The following AGBL1 variants were observed in gnomAD, a reference collection of about 807,000 sequenced individuals.
The protein encoded by AGBL1 is AGBL carboxypeptidase 1, also known as cytosolic carboxypeptidase 4.
In AGBL1, 130 loss-of-function variants were observed where a neutral mutation model predicts 118.9. That is an observed-to-expected ratio of 1.09 (90% CI 0.95 to 1.26). The LOEUF (loss-of-function observed/expected upper bound fraction) is 1.26. Among genes scored for constraint, AGBL1 ranks in the 50% most tolerant of loss-of-function variants. The pLI is 0.00. For synonymous variants in AGBL1, 555 were observed against 478.9 expected, an observed-to-expected ratio of 1.16 and a Z score of -2.08; for missense variants, 1,584 against 1,298.1, an observed-to-expected ratio of 1.22 and a Z score of -3.38.
chr15:86,998,707 G>C (rs2081403020), intron 24 of AGBL1, among the ~76,000 whole-genome samples: 1 of 152,168 alleles, frequency 6.6e-6, no homozygotes, highest in South Asian at 2.1e-4. Flanking sequence ...TCATTTGGTT[G>C]TAACAATCAT....
At chr15:86,484,474 G>T (rs1443738157) in intron 18 of AGBL1, among the ~76,000 whole-genome samples, 1 of 152,102 alleles carries the variant, frequency 6.6e-6, no homozygotes, top group Non-Finnish European at 1.5e-5. Context: ...AATTGAAAAT[G>T]CAAGGGATCA....
At chr15:86,821,842 T>C (rs1293166422) in intron 22 of AGBL1, among the ~76,000 whole-genome samples, 1 of 152,194 alleles carries the variant, frequency 6.6e-6, no homozygotes, top group East Asian at 1.9e-4. Flanking sequence ...CACTTATCTC[T>C]GGAACCCCTG....
chr15:86,802,426 A>G (rs1388799861), intron 22 of AGBL1, among the ~76,000 whole-genome samples: 1 of 152,126 alleles, frequency 6.6e-6, no homozygotes, highest in Non-Finnish European at 1.5e-5. Flanking sequence ...ATTCATTTCC[A>G]GTGGACAAAT....
chr15:86,318,041 G>T (rs1374032256), intron 17 of AGBL1, among the ~76,000 whole-genome samples: 1 of 152,168 alleles, frequency 6.6e-6, no homozygotes, highest in Non-Finnish European at 1.5e-5. Flanking sequence ...ACTTGATTGT[G>T]AATCTGCTTC....
At chr15:86,377,303 G>C (rs2081054188) in intron 17 of AGBL1, among the ~76,000 whole-genome samples, 1 of 152,150 alleles carries the variant, frequency 6.6e-6, no homozygotes, top group South Asian at 2.1e-4. Flanking sequence ...TCACTCACAT[G>C]GCATGTCTCA....
chr15:86,147,936 G>C (rs1389873623), intron 3 of AGBL1, among the ~76,000 whole-genome samples: 2 of 152,222 alleles, frequency 1.3e-5, no homozygotes, highest in Admixed American at 6.5e-5. Context: ...AATATTTGCT[G>C]TTCTGCAGTA....
At chr15:86,609,212 C>T (rs116079641) in intron 21 of AGBL1, among the ~76,000 whole-genome samples, 92 of 152,206 alleles carry the variant, frequency 6.0e-4, no homozygotes, top group African/African-American at 2.1e-3. Flanking sequence ...ACCAGCCTTC[C>T]TCTTGAGGAG....
chr15:86,443,704 C>T (rs914928726), intron 18 of AGBL1, among the ~76,000 whole-genome samples: 3 of 152,112 alleles, frequency 2.0e-5, no homozygotes, highest in African/African-American at 4.8e-5. Context: ...CATAGTATTT[C>T]TTTTTTTGTG....
chr15:86,694,671 C>T (rs571747173), intron 22 of AGBL1, among the ~76,000 whole-genome samples: 2 of 152,070 alleles, frequency 1.3e-5, no homozygotes, highest in South Asian at 4.2e-4. Context: ...CTTGTCTTTT[C>T]CAGTTCTCAA....
intron 18 of AGBL1, among the ~76,000 whole-genome samples, chr15:86,421,139 G>T (rs529114233): frequency 3.3e-5 from 5 of 152,214 alleles, no homozygotes; most frequent in African/African-American, 1.2e-4. Flanking sequence ...ATCAAGAAGA[G>T]CAACCCTAAG....
chr15:87,004,495 A>T (rs1596730743), intron 24 of AGBL1, among the ~76,000 whole-genome samples: 1 of 152,252 alleles, frequency 6.6e-6, no homozygotes, highest in East Asian at 1.9e-4. Flanking sequence ...GTTTTATCAG[A>T]GACTAAGATT....
intron 22 of AGBL1, among the ~76,000 whole-genome samples, chr15:86,714,492 G>A (rs1272018504): frequency 6.6e-6 from 1 of 152,188 alleles, no homozygotes; most frequent in South Asian, 2.1e-4. Flanking sequence ...AGCCATGTGT[G>A]TGTGCAGATA....
chr15:86,660,811 C>G (rs7168028), intron 21 of AGBL1, among the ~76,000 whole-genome samples: 30,207 of 152,014 alleles, frequency 0.2, 3,716 homozygotes, highest in South Asian at 0.33. Flanking sequence ...TCTGCAGACT[C>G]TAATGTATAT....
chr15:86,554,451 C>T lies in AGBL1; in HGVS notation c.2908C>T (p.Arg970Trp), dbSNP rs1402236506. Residue 970 changes from arginine (R) to tryptophan (W), a missense_variant, in exon 21 of 23, where the codon CGG becomes TGG. Physicochemically the swap from Arg to Trp is moderately radical, Grantham distance 101 (BLOSUM62 -3). Coordinates refer to ENST00000614907, the MANE Select transcript of AGBL1 (RefSeq NM_001386094.1). Reference sequence around the variant, plus strand: ...GGAGAAATCTCGAGCTTCCACGGCCCGGGTGGTGGTGTGGAGAGAGATGGG... The same window carrying T: ...GGAGAAATCTCGAGCTTCCACGGCCTGGGTGGTGGTGTGGAGAGAGATGGG... ...LVEKSRASTARVVVWREMGVS... is the reference protein window; with the variant it reads ...LVEKSRASTAWVVVWREMGVS... The T allele has an allele frequency of 1.1e-5, 17 of 1,588,404 alleles. No individual in the cohort carries two copies. The highest frequency in any genetic ancestry group is 3.5e-5 in the South Asian group (3 of 86,776).
At chr15:86,509,426 G>A (rs953440888) in intron 18 of AGBL1, among the ~76,000 whole-genome samples, 1 of 152,116 alleles carries the variant, frequency 6.6e-6, no homozygotes, top group South Asian at 2.1e-4. Context: ...GGCAGTAATA[G>A]AAGATTGAGT....
chr15:86,950,128 G>C (rs1266261328), intron 23 of AGBL1, among the ~76,000 whole-genome samples: 2 of 151,820 alleles, frequency 1.3e-5, no homozygotes, highest in Non-Finnish European at 2.9e-5. Context: ...TATCTGTTAA[G>C]CCTGTTTAGA....
At chr15:86,172,942 G>A (rs1282899723) in intron 5 of AGBL1, among the ~76,000 whole-genome samples, 1 of 151,742 alleles carries the variant, frequency 6.6e-6, no homozygotes, top group Non-Finnish European at 1.5e-5. Flanking sequence ...TTCTATAATG[G>A]CTGTATAAAT....
intron 18 of AGBL1, among the ~76,000 whole-genome samples, chr15:86,423,317 A>G (rs1324265632): frequency 6.6e-6 from 1 of 152,240 alleles, no homozygotes; most frequent in African/African-American, 2.4e-5. Flanking sequence ...AGAACCAATG[A>G]CAAAAACCAC....
chr15:86,168,764 A>C (rs1242208597), intron 5 of AGBL1, among the ~76,000 whole-genome samples: 1 of 152,168 alleles, frequency 6.6e-6, no homozygotes, highest in African/African-American at 2.4e-5. Flanking sequence ...ATTTAATTGA[A>C]TCCTCACCAA....
Sources: allele counts gnomAD v4.1 joint callset (sites outside exome capture counted in the v4.1 genomes callset), GRCh38; gene constraint gnomAD v4.1.1; transcripts MANE v1.5; gene names NCBI Gene and HGNC (gene_info 2026-07-23, HGNC 2026-07-21).